Variants in PDE1A observed in about 807,000 individuals in gnomAD.
The protein encoded by PDE1A is phosphodiesterase 1A.
Under a neutral mutation model 61.7 loss-of-function variants are expected in PDE1A, and 35 were observed. That is an observed-to-expected ratio of 0.57 (90% CI 0.43 to 0.75). The LOEUF (loss-of-function observed/expected upper bound fraction) is 0.75, where lower values mean the gene tolerates loss of function less well. Among genes scored for constraint, PDE1A ranks in the 30% least tolerant of loss-of-function variants. The pLI is 0.00. For missense variants in PDE1A, 597 were observed against 630.6 expected, an observed-to-expected ratio of 0.95 and a Z score of 0.57; for synonymous variants, 232 against 213.2, an observed-to-expected ratio of 1.09 and a Z score of -0.77.
At chr2:182,576,155 C>A in the PDE1A span, among the ~76,000 whole-genome samples, 1 of 151,894 alleles carries the variant, frequency 6.6e-6, no homozygotes, top group Admixed American at 6.6e-5. Flanking sequence ...TACCACCATT[C>A]GTCTACAGAA....
chr2:182,219,657 C>T (rs1326404401), intron 7 of PDE1A, among the ~76,000 whole-genome samples: 1 of 152,082 alleles, frequency 6.6e-6, no homozygotes, highest in African/African-American at 2.4e-5. Context: ...GTAAAACTGC[C>T]TCACTCCAGA....
At chr2:182,181,057 G>C (rs1225855473) in intron 13 of PDE1A, among the ~76,000 whole-genome samples, 2 of 151,860 alleles carry the variant, frequency 1.3e-5, no homozygotes, top group Non-Finnish European at 2.9e-5. Flanking sequence ...AGCAGAGTTT[G>C]TTATTACCCA....
chr2:182,511,213 T>C (rs532983804), intron 2 of PDE1A, among the ~76,000 whole-genome samples: 30 of 151,354 alleles, frequency 2.0e-4, no homozygotes, highest in Non-Finnish European at 3.2e-4. Context: ...GTCAACTAGA[T>C]GTAGCCAGGA....
chr2:182,513,015 G>A (rs1200807931), intron 2 of PDE1A, among the ~76,000 whole-genome samples: 1 of 152,098 alleles, frequency 6.6e-6, no homozygotes, highest in Admixed American at 6.5e-5. Context: ...CAAGCAACTT[G>A]GAAAACATAT....
At chr2:182,165,036 G>A (rs1691584116), downstream of PDE1A, among the ~76,000 whole-genome samples, 1 of 152,100 alleles carries the variant, frequency 6.6e-6, no homozygotes, top group African/African-American at 2.4e-5. Flanking sequence ...TGAAGAAGCT[G>A]GCTTCTACAG....
chr2:182,532,972 A>AAAAAAAAAT, the PDE1A span, among the ~76,000 whole-genome samples: 1 of 147,966 alleles, frequency 6.8e-6, no homozygotes, highest in Admixed American at 6.7e-5. Context: ...AAAAAAAAAA[A>AAAAAAAAAT]ACAATGAATT....
At chr2:182,151,826 A>T (rs1465031279) in intron 13 of PDE1A, among the ~76,000 whole-genome samples, 1 of 152,116 alleles carries the variant, frequency 6.6e-6, no homozygotes, top group African/African-American at 2.4e-5. Context: ...TGCACTCGTT[A>T]TTTTTGACTT....
At chr2:182,475,632 T>C (rs1221529453) in intron 2 of PDE1A, among the ~76,000 whole-genome samples, 2 of 152,006 alleles carry the variant, frequency 1.3e-5, no homozygotes, top group Non-Finnish European at 2.9e-5. Flanking sequence ...GCACGGGCTA[T>C]TCATTCTTTC....
chr2:182,624,789 C>T, the PDE1A span, among the ~76,000 whole-genome samples: 1 of 152,192 alleles, frequency 6.6e-6, no homozygotes, highest in East Asian at 1.9e-4. Flanking sequence ...AGATACCAGA[C>T]AACCAAGAAC....
At chr2:182,182,363 C>T (rs1461465967) in intron 13 of PDE1A, among the ~76,000 whole-genome samples, 1 of 151,860 alleles carries the variant, frequency 6.6e-6, no homozygotes, top group Admixed American at 6.6e-5. Flanking sequence ...TTTTGCTTAC[C>T]CTCCTTCTAC....
chr2:182,264,316 T>C, exon 2 of PDE1A: 1 of 1,609,692 alleles, frequency 6.2e-7, no homozygotes. Flanking sequence ...TTCATCGATA[T>C]AAACTGCTTC....
chr2:182,611,504 A>C, the PDE1A span, among the ~76,000 whole-genome samples: 1 of 152,226 alleles, frequency 6.6e-6, no homozygotes, highest in East Asian at 1.9e-4. Flanking sequence ...CTGTAAATTT[A>C]AACTTCAACT....
the PDE1A span, among the ~76,000 whole-genome samples, chr2:182,630,173 G>A: frequency 6.6e-6 from 1 of 151,742 alleles, no homozygotes; most frequent in African/African-American, 2.4e-5. Flanking sequence ...TTTTTTAAAT[G>A]GTCCTCTTTT....
chr2:182,344,976 G>A (rs1698433441), intron 1 of PDE1A, among the ~76,000 whole-genome samples: 1 of 152,134 alleles, frequency 6.6e-6, no homozygotes, highest in Admixed American at 6.6e-5. Flanking sequence ...TCAGTGCACT[G>A]TCTTTTCCTT....
chr2:182,159,495 G>T (rs188340652), intron 13 of PDE1A, among the ~76,000 whole-genome samples: 1 of 152,284 alleles, frequency 6.6e-6, no homozygotes, highest in African/African-American at 2.4e-5. Context: ...TCACACAGCA[G>T]TTCACTCGAC....
the PDE1A span, among the ~76,000 whole-genome samples, chr2:182,695,681 A>G: frequency 2.0e-4 from 19 of 95,202 alleles, no homozygotes; most frequent in Admixed American, 8.1e-4. Flanking sequence ...AAAAAAAAAA[A>G]AAAAGAAAAA....
intron 1 of PDE1A, among the ~76,000 whole-genome samples, chr2:182,389,975 A>G (rs1490970906): frequency 3.3e-5 from 5 of 152,178 alleles, no homozygotes; most frequent in Admixed American, 3.3e-4. Flanking sequence ...CTCTTGGGCC[A>G]TCAGCCACAG....
chr2:182,516,702 G>GAGGAAGGGAGGA (rs1553636652), intron 2 of PDE1A, among the ~76,000 whole-genome samples: 5 of 116,764 alleles, frequency 4.3e-5, no homozygotes, highest in African/African-American at 1.3e-4. Flanking sequence ...GGGAGGAAGG[G>GAGGAAGGGAGGA]AGGAAGGAAG....
In PDE1A at chr2:182,298,226, T is replaced by C. The variant is rs189580962; in HGVS notation, c.54-33812A>G. ...AGAGCTGTAAAGGCAATGGTAATTA[T>C]AGGACCTATGAAATTGGGCGGCTGT... On this transcript the variant is annotated intron_variant, in intron 1 of 13. Transcript: ENST00000351439. Among the ~76,000 whole-genome samples the C allele has an allele frequency of 2.1e-3, 326 of 152,294 alleles. 4 individuals are homozygous for C. The highest frequency in any genetic ancestry group is 6.7e-3 in the African/African-American group (277 of 41,566).
Sources: gnomAD v4.1 joint callset for allele counts (sites outside exome capture counted in the v4.1 genomes callset) on GRCh38, gnomAD v4.1.1 for gene constraint, MANE v1.5 for transcripts, NCBI Gene and HGNC (gene_info 2026-07-23, HGNC 2026-07-21) for gene names.